TEAD1: variants seen among roughly 807,000 people sequenced by gnomAD.
TEAD1 encodes the protein TEA domain transcription factor 1.
A neutral mutation model predicts 54.9 loss-of-function variants in TEAD1; 9 were observed. The ratio of observed to expected loss-of-function variants is 0.16; its 90% confidence interval spans 0.10 to 0.29. The LOEUF (loss-of-function observed/expected upper bound fraction) is 0.29, where lower values mean the gene tolerates loss of function less well. Among genes scored for constraint, TEAD1 ranks in the 10% least tolerant of loss-of-function variants. The pLI, the probability that TEAD1 is intolerant of heterozygous loss-of-function variation, is 1.00. For synonymous variants in TEAD1, 200 were observed against 187.8 expected (o/e 1.07, Z -0.53); for missense variants, 387 against 535.9 (o/e 0.72, Z 2.74).
intron 2 of TEAD1, among the ~76,000 whole-genome samples, chr11:12,712,833 G>A (rs1043996579): frequency 1.3e-5 from 2 of 152,142 alleles, no homozygotes; most frequent in Admixed American, 6.5e-5. Context: ...GGGAGCCTGT[G>A]GGAAGACTTC....
intron 2 of TEAD1, among the ~76,000 whole-genome samples, chr11:12,750,969 T>TG: frequency 6.6e-6 from 1 of 152,174 alleles, no homozygotes; most frequent in Non-Finnish European, 1.5e-5. Flanking sequence ...TCCTGTTTTT[T>TG]GGGGAGCAGT....
intron 3 of TEAD1, among the ~76,000 whole-genome samples, chr11:12,843,179 T>G (rs559449995): frequency 2.5e-4 from 38 of 152,322 alleles, no homozygotes; most frequent in African/African-American, 8.7e-4. Context: ...TTCTTGGTCT[T>G]GGGAGGGTGC....
At chr11:12,904,797 G>T in intron 10 of TEAD1, 1 of 287,374 alleles carries the variant, frequency 3.5e-6, no homozygotes. Context: ...GGTCTTTGAG[G>T]TCCTCAATAA....
intron 3 of TEAD1, among the ~76,000 whole-genome samples, chr11:12,854,171 G>T (rs775693998): frequency 6.6e-6 from 1 of 152,140 alleles, no homozygotes; most frequent in Non-Finnish European, 1.5e-5. Flanking sequence ...GAACTTCCTC[G>T]TTGGATATGC....
At chr11:12,715,417 G>T (rs909272253) in intron 2 of TEAD1, among the ~76,000 whole-genome samples, 1 of 152,154 alleles carries the variant, frequency 6.6e-6, no homozygotes. Flanking sequence ...TATGGGTCTC[G>T]GGTGATGGCT....
intron 11 of TEAD1, among the ~76,000 whole-genome samples, chr11:12,926,288 T>C (rs374596479): frequency 8.5e-5 from 13 of 152,150 alleles, no homozygotes; most frequent in African/African-American, 3.1e-4. Flanking sequence ...CCCTGAGCAA[T>C]GGACAGGCCT....
chr11:12,887,102 T>G (rs1948106332), intron 9 of TEAD1, among the ~76,000 whole-genome samples: 1 of 149,898 alleles, frequency 6.7e-6, no homozygotes, highest in Admixed American at 6.6e-5. Flanking sequence ...TGTTTGTTTT[T>G]TTTTTTTTTG....
At position 12,937,137 on chromosome 11, in the gene TEAD1, C is replaced by T; in HGVS notation, c.1196C>T (p.Thr399Ile). ...GTAACAAACAGGGATACACAAGAAA[C>T]TCTACTCTGCATGGCCTGTGTGTTT... The change falls in exon 13 of 13, where the codon ACT becomes ATT. Residue 399 changes from threonine (T) to isoleucine (I), a missense_variant. Transcript: ENST00000527636. 6.2e-7 allele frequency: 1 copy of T among 1,613,856 alleles called. No individual in the cohort carries two copies. Among genetic ancestry groups the T allele is most frequent in the Non-Finnish European group, 8.5e-7 (1 of 1,179,936 alleles).
chr11:12,873,789 G>A (rs751096477), intron 5 of TEAD1, among the ~76,000 whole-genome samples: 13 of 152,158 alleles, frequency 8.5e-5, no homozygotes, highest in Non-Finnish European at 1.6e-4. Flanking sequence ...CAAGGGGTAT[G>A]GCTAATAATT....
chr11:12,937,155 G>C lies in TEAD1; in HGVS notation c.1214G>C (p.Cys405Ser), dbSNP rs201062262. 1.4e-5 allele frequency: 22 copies of C among 1,613,902 alleles called. No individual in the cohort carries two copies. Among genetic ancestry groups the C allele is most frequent in the Non-Finnish European group, 1.4e-5 (17 of 1,179,984 alleles). ...CAAGAAACTCTACTCTGCATGGCCTGTGTGTTTGAAGTTTCAAATAGTGAA... is the reference window on the plus strand; with the variant it reads ...CAAGAAACTCTACTCTGCATGGCCTCTGTGTTTGAAGTTTCAAATAGTGAA... The change falls in exon 13 of 13, where the codon TGT becomes TCT. Residue 405 changes from cysteine (C) to serine (S), a missense_variant. By Grantham distance (112) the Cys-to-Ser change is moderately radical. Transcript: ENST00000527636.
chr11:12,792,061 T>C (rs562817203), intron 3 of TEAD1, among the ~76,000 whole-genome samples: 6 of 152,176 alleles, frequency 3.9e-5, no homozygotes, highest in Non-Finnish European at 8.8e-5. Flanking sequence ...GAGGTCAGGC[T>C]GCAGGGTGAT....
intron 9 of TEAD1, among the ~76,000 whole-genome samples, chr11:12,898,502 C>G (rs1051718072): frequency 1.3e-5 from 2 of 151,482 alleles, no homozygotes; most frequent in Non-Finnish European, 2.9e-5. Context: ...TCAAGCAATT[C>G]TCCTGCCTCA....
At chr11:12,721,103 C>G (rs75612398) in intron 2 of TEAD1, among the ~76,000 whole-genome samples, 10 of 152,224 alleles carry the variant, frequency 6.6e-5, no homozygotes, top group Non-Finnish European at 1.2e-4. Context: ...TCCAGACTCT[C>G]ACTTACTGCC....
chr11:12,848,174 C>A (rs936596965), intron 3 of TEAD1, among the ~76,000 whole-genome samples: 1 of 152,180 alleles, frequency 6.6e-6, no homozygotes, highest in Non-Finnish European at 1.5e-5. Context: ...CTTCCTAGAC[C>A]ATAAACTCCT....
intron 2 of TEAD1, among the ~76,000 whole-genome samples, chr11:12,704,579 GCCTT>G (rs1301346162): frequency 1.3e-5 from 2 of 152,202 alleles, no homozygotes; most frequent in African/African-American, 4.8e-5. Flanking sequence ...AGAAAACCAA[GCCTT>G]CCTTTTATTC....
chr11:12,868,811 A>C (rs12294689), intron 5 of TEAD1, among the ~76,000 whole-genome samples: 14,369 of 152,202 alleles, frequency 0.094, 787 homozygotes, highest in South Asian at 0.18. Flanking sequence ...CATAGAATTG[A>C]ATCCAGAGTT....
intron 3 of TEAD1, among the ~76,000 whole-genome samples, chr11:12,782,863 T>C (rs1945587441): frequency 6.6e-6 from 1 of 152,140 alleles, no homozygotes; most frequent in African/African-American, 2.4e-5. Flanking sequence ...GGCAGCCGTA[T>C]GGTAGGAGCT....
chr11:12,682,507 G>GTAT (rs1461749547), intron 2 of TEAD1, among the ~76,000 whole-genome samples: 3 of 152,196 alleles, frequency 2.0e-5, no homozygotes, highest in Non-Finnish European at 4.4e-5. Flanking sequence ...TCGTTGGGTG[G>GTAT]TATGCCTGGT....
At chr11:12,894,091 T>A (rs1948256888) in intron 9 of TEAD1, among the ~76,000 whole-genome samples, 1 of 152,240 alleles carries the variant, frequency 6.6e-6, no homozygotes, top group African/African-American at 2.4e-5. Context: ...TTCCAGCTTG[T>A]ACATTAGCAT....
Sources: allele counts gnomAD v4.1 joint callset (sites outside exome capture counted in the v4.1 genomes callset), GRCh38; gene constraint gnomAD v4.1.1; transcripts MANE v1.5; gene names NCBI Gene and HGNC (gene_info 2026-07-23, HGNC 2026-07-21).